The following CPE variants were observed in gnomAD, a reference collection of about 807,000 sequenced individuals.
CPE encodes carbocypeptidase E.
A neutral mutation model predicts 53.5 loss-of-function variants in CPE; 17 were observed. The ratio of observed to expected loss-of-function variants is 0.32; its 90% CI spans 0.22 to 0.48. The LOEUF is 0.48. Among genes scored for constraint, CPE ranks in the 20% least tolerant of loss-of-function variants. The pLI, the probability that CPE is intolerant of heterozygous loss-of-function variation, is 0.99. For synonymous variants in CPE, 226 were observed against 228.8 expected (o/e 0.99, Z 0.11); for missense variants, 524 against 614.7 (o/e 0.85, Z 1.56).
At chr4:165,454,278 C>T (rs1731863513) in intron 1 of CPE, among the ~76,000 whole-genome samples, 1 of 152,200 alleles carries the variant, frequency 6.6e-6, no homozygotes, top group East Asian at 1.9e-4. Flanking sequence ...TCTTTATTCT[C>T]CTTCAGAAGA....
chr4:165,461,426 C>T (rs912066417), intron 1 of CPE, among the ~76,000 whole-genome samples: 3 of 151,840 alleles, frequency 2.0e-5, no homozygotes, highest in Non-Finnish European at 2.9e-5. Flanking sequence ...TTCAAGATCT[C>T]GTAGAGAATT....
At chr4:165,414,846 T>C (rs73860704) in intron 1 of CPE, among the ~76,000 whole-genome samples, 3,801 of 152,168 alleles carry the variant, frequency 0.025, 116 homozygotes, top group African/African-American at 0.071. Flanking sequence ...CAGGGACAGC[T>C]GGTTATTGTC....
At chr4:165,382,605 G>A (rs1321834392) in intron 1 of CPE, among the ~76,000 whole-genome samples, 3 of 152,000 alleles carry the variant, frequency 2.0e-5, no homozygotes, top group African/African-American at 4.8e-5. Flanking sequence ...TTTAGTTGTC[G>A]TAACAGAAGA....
intron 1 of CPE, chr4:165,405,475 GGAAA>G: frequency 3.5e-6 from 3 of 861,582 alleles, no homozygotes; most frequent in Non-Finnish European, 6.0e-6. Context: ...TGGGATAAAG[GGAAA>G]GCCCTTTAGT....
At chr4:165,460,264 G>A (rs749181257) in intron 1 of CPE, among the ~76,000 whole-genome samples, 2 of 152,112 alleles carry the variant, frequency 1.3e-5, no homozygotes, top group Admixed American at 1.3e-4. Flanking sequence ...GACTCAGAGA[G>A]GGCCATTCAA....
intron 1 of CPE, among the ~76,000 whole-genome samples, chr4:165,412,903 C>T (rs563927807): frequency 1.3e-5 from 2 of 152,308 alleles, no homozygotes; most frequent in African/African-American, 4.8e-5. Context: ...CAGTGATTTT[C>T]TCGAATCCAA....
chr4:165,487,315 C>A, intron 5 of CPE, 123 bp from the exon 6 acceptor site: 1 of 1,341,566 alleles, frequency 7.5e-7, no homozygotes, highest in Non-Finnish European at 1.0e-6. Flanking sequence ...TAAGTTTTCC[C>A]ACAGGCTTCC....
chr4:165,426,250 C>T (rs552086348), intron 1 of CPE, among the ~76,000 whole-genome samples: 2 of 152,208 alleles, frequency 1.3e-5, no homozygotes, highest in South Asian at 2.1e-4. Context: ...TAAAATTGAA[C>T]GTTAGATTAT....
At position 165,402,962 on chromosome 4, in the gene CPE, C is replaced by T. The variant is rs1730893494; in HGVS notation, c.307+23434C>T. Reference sequence around the variant, plus strand: ...ATTTTTTCTTTGGAAATAGATTGTTCTTTTGAAATCTGGAATGTAAAATGC... The same window carrying T: ...ATTTTTTCTTTGGAAATAGATTGTTTTTTTGAAATCTGGAATGTAAAATGC... On this transcript the variant is annotated intron_variant, in intron 1 of 8. Coordinates refer to ENST00000402744, the MANE Select transcript of CPE (RefSeq NM_001873.4). Among the ~76,000 whole-genome samples the T allele has an allele frequency of 3.9e-5, 6 of 152,066 alleles. No individual in the cohort carries two copies. The South Asian group carries it at 1.2e-3, about 32-fold the overall frequency.
At chr4:165,445,727 A>G (rs960144975) in intron 1 of CPE, among the ~76,000 whole-genome samples, 1 of 152,198 alleles carries the variant, frequency 6.6e-6, no homozygotes, top group Non-Finnish European at 1.5e-5. Context: ...GACTTAATAA[A>G]ATTCCAACCA....
intron 1 of CPE, among the ~76,000 whole-genome samples, chr4:165,407,242 G>A (rs940237604): frequency 6.6e-6 from 1 of 152,032 alleles, no homozygotes; most frequent in African/African-American, 2.4e-5. Context: ...CTATATCCTC[G>A]CCAACTTGTT....
intron 1 of CPE, among the ~76,000 whole-genome samples, chr4:165,389,956 A>G (rs1222850991): frequency 2.6e-5 from 4 of 152,196 alleles, no homozygotes; most frequent in Non-Finnish European, 4.4e-5. Context: ...GTGCAGGTCT[A>G]TAGTAGGTTC....
chr4:165,425,745 G>A (rs1731306550), intron 1 of CPE, among the ~76,000 whole-genome samples: 1 of 152,056 alleles, frequency 6.6e-6, no homozygotes, highest in Admixed American at 6.6e-5. Context: ...TGCTACCTAG[G>A]GGACATTTGG....
At chr4:165,408,333 T>C (rs1029315297) in intron 1 of CPE, among the ~76,000 whole-genome samples, 36 of 152,328 alleles carry the variant, frequency 2.4e-4, no homozygotes, top group Admixed American at 1.6e-3. Flanking sequence ...GTTAACTTTT[T>C]TATCGGATAA....
At chr4:165,458,982 G>C (rs1731948994) in intron 1 of CPE, among the ~76,000 whole-genome samples, 2 of 152,168 alleles carry the variant, frequency 1.3e-5, no homozygotes, top group Non-Finnish European at 2.9e-5. Flanking sequence ...CTGTTTCAGT[G>C]GCTCTCTGGT....
At chr4:165,388,643 G>T (rs1226297154) in intron 1 of CPE, among the ~76,000 whole-genome samples, 2 of 152,216 alleles carry the variant, frequency 1.3e-5, no homozygotes, top group African/African-American at 4.8e-5. Flanking sequence ...AATGCCTGCT[G>T]CATATGATGC....
chr4:165,488,206 T>A (rs905912567), intron 6 of CPE, among the ~76,000 whole-genome samples: 1 of 152,132 alleles, frequency 6.6e-6, no homozygotes, highest in Non-Finnish European at 1.5e-5. Context: ...TAATCATCAC[T>A]AAATTAAAGA....
At position 165,477,375 on chromosome 4, in the gene CPE, C is replaced by T. The variant is rs548386294; in HGVS notation, c.673-4867C>T. The stretch of plus-strand genomic sequence containing the variant: ...AAATACATGAAAATGAAAGATTAGT[C>T]CCTTTTTGGAACATAAGCAAGATTT... On this transcript the variant is annotated intron_variant, in intron 3 of 8. Coordinates refer to ENST00000402744, the MANE Select transcript of CPE (RefSeq NM_001873.4). Among the ~76,000 whole-genome samples the T allele has an allele frequency of 4.6e-5, 7 of 152,218 alleles. No homozygotes were observed. The South Asian group carries it at 1.0e-3, about 23-fold the overall frequency.
chr4:165,465,823 TTTAG>T (rs1268328959), intron 2 of CPE, among the ~76,000 whole-genome samples: 5 of 152,186 alleles, frequency 3.3e-5, no homozygotes, highest in South Asian at 2.1e-4. Context: ...GCTTCTAATC[TTTAG>T]TTATTCTTCT....
Sources: allele counts gnomAD v4.1 joint callset (sites outside exome capture counted in the v4.1 genomes callset), GRCh38; gene constraint gnomAD v4.1.1; transcripts MANE v1.5; gene names NCBI Gene and HGNC (gene_info 2026-07-23, HGNC 2026-07-21).